Variants in NRG3 observed in about 807,000 individuals in gnomAD.
NRG3 encodes the protein pro-neuregulin-3, membrane-bound isoform.
A neutral mutation model predicts 66.9 loss-of-function variants in NRG3; 31 were observed. The ratio of observed to expected loss-of-function variants is 0.46; its 90% confidence interval spans 0.35 to 0.63. The LOEUF is 0.63. NRG3 is among the 20% of genes least tolerant of loss of function. The pLI is 0.00. For synonymous variants in NRG3, 393 were observed against 359.4 expected (o/e 1.09, Z -1.06); for missense variants, 910 against 878.9 (o/e 1.04, Z -0.45).
chr10:82,850,394 A>T (rs978474659), intron 3 of NRG3, among the ~76,000 whole-genome samples: 1 of 152,186 alleles, frequency 6.6e-6, no homozygotes. Context: ...GAGCAAATGA[A>T]TTTCGTTTCC....
intron 1 of NRG3, among the ~76,000 whole-genome samples, chr10:81,967,812 G>A (rs2059788359): frequency 6.6e-6 from 1 of 152,034 alleles, no homozygotes; most frequent in Admixed American, 6.6e-5. Context: ...CAATTTCTGA[G>A]CCATTTTATA....
At chr10:82,058,587 AG>A (rs1342111104) in intron 1 of NRG3, among the ~76,000 whole-genome samples, 1 of 151,204 alleles carries the variant, frequency 6.6e-6, no homozygotes, top group African/African-American at 2.4e-5. Flanking sequence ...TACTTTTTCT[AG>A]AAAAAATTAG....
chr10:82,615,842 A>T (rs2048611555), intron 2 of NRG3, among the ~76,000 whole-genome samples: 1 of 152,220 alleles, frequency 6.6e-6, no homozygotes, highest in Admixed American at 6.5e-5. Flanking sequence ...AAGACGTACC[A>T]TTAAAACAGA....
chr10:82,897,259 C>T (rs953259103), intron 4 of NRG3, among the ~76,000 whole-genome samples: 47 of 152,172 alleles, frequency 3.1e-4, no homozygotes, highest in African/African-American at 9.9e-4. Flanking sequence ...AAAAAATAGA[C>T]GTTCCTAAAC....
chr10:82,480,887 A>G (rs188078307), intron 2 of NRG3, among the ~76,000 whole-genome samples: 162 of 152,370 alleles, frequency 1.1e-3, no homozygotes, highest in Non-Finnish European at 1.8e-3. Flanking sequence ...ATATTTCTGA[A>G]CAATAATACA....
intron 1 of NRG3, among the ~76,000 whole-genome samples, chr10:82,141,808 T>TA (rs1254183041): frequency 2.6e-5 from 4 of 152,210 alleles, no homozygotes; most frequent in Admixed American, 6.5e-5. Context: ...TAAGATGTGC[T>TA]ACTGTTCAGT....
intron 3 of NRG3, among the ~76,000 whole-genome samples, chr10:82,846,704 T>G (rs1187006383): frequency 6.6e-6 from 1 of 152,142 alleles, no homozygotes; most frequent in Admixed American, 6.5e-5. Flanking sequence ...GCATTGCATA[T>G]AATGGGGTAT....
At chr10:82,814,840 C>T (rs2061639006) in intron 3 of NRG3, among the ~76,000 whole-genome samples, 1 of 152,198 alleles carries the variant, frequency 6.6e-6, no homozygotes, top group African/African-American at 2.4e-5. Context: ...TGGTAGTCTG[C>T]TAAGCACTTT....
intron 2 of NRG3, among the ~76,000 whole-genome samples, chr10:82,387,270 C>T (rs1466541316): frequency 8.5e-6 from 1 of 118,234 alleles, no homozygotes; most frequent in Non-Finnish European, 1.6e-5. Context: ...TATCATAAAA[C>T]ACTCAAAATA....
intron 1 of NRG3, among the ~76,000 whole-genome samples, chr10:81,921,693 C>A (rs976754089): frequency 6.6e-6 from 1 of 151,986 alleles, no homozygotes; most frequent in Admixed American, 6.6e-5. Context: ...GTTGTTCTGG[C>A]CATTCCTTTT....
intron 3 of NRG3, among the ~76,000 whole-genome samples, chr10:82,743,260 T>G (rs1169305544): frequency 6.6e-6 from 1 of 152,078 alleles, no homozygotes; most frequent in African/African-American, 2.4e-5. Context: ...GAGCATCACT[T>G]CCATCATGTA....
chr10:82,898,583 T>A (rs928347848), intron 4 of NRG3, among the ~76,000 whole-genome samples: 2 of 152,312 alleles, frequency 1.3e-5, no homozygotes, highest in African/African-American at 2.4e-5. Flanking sequence ...ATTTGCATGA[T>A]GCTCTTGTCA....
At chr10:82,098,161 A>T (rs1252259712) in intron 1 of NRG3, among the ~76,000 whole-genome samples, 1 of 151,030 alleles carries the variant, frequency 6.6e-6, no homozygotes, top group East Asian at 1.9e-4. Flanking sequence ...TCATGTATGT[A>T]TATGTCATAT....
At chr10:82,058,635 T>C (rs1180111941) in intron 1 of NRG3, among the ~76,000 whole-genome samples, 1 of 151,982 alleles carries the variant, frequency 6.6e-6, no homozygotes, top group African/African-American at 2.4e-5. Context: ...CCATCACAAG[T>C]TTTTTTATTT....
At chr10:82,715,856 G>T (rs2134442858) in intron 2 of NRG3, among the ~76,000 whole-genome samples, 1 of 152,162 alleles carries the variant, frequency 6.6e-6, no homozygotes, top group South Asian at 2.1e-4. Flanking sequence ...TACCTGTTGA[G>T]GGGCCTCCTC....
Position 82,360,858 on chromosome 10 carries a change from TCC to T in NRG3, c.953+1992_953+1993del, listed in dbSNP as rs1203111492. ...TTCAGAGTTGATTCCTTTTGAGGCC[TCC>T]CTCCTTGACTTATAGATGGTCAAGG... On this transcript the variant is annotated intron_variant, in intron 2 of 8. Coordinates refer to ENST00000372141, the MANE Select transcript of NRG3 (RefSeq NM_001010848.4). Among the ~76,000 whole-genome samples the T allele has an allele frequency of 1.4e-3, 211 of 152,242 alleles. 3 individuals are homozygous for T. Among genetic ancestry groups the T allele is most frequent in the African/African-American group, 4.8e-3 (200 of 41,548 alleles).
intron 2 of NRG3, among the ~76,000 whole-genome samples, chr10:82,404,380 G>C (rs1338783953): frequency 6.6e-6 from 1 of 152,200 alleles, no homozygotes; most frequent in East Asian, 1.9e-4. Flanking sequence ...GGACTATGAG[G>C]TTCTAATTTA....
intron 2 of NRG3, among the ~76,000 whole-genome samples, chr10:82,697,068 T>C (rs527559887): frequency 2.6e-5 from 4 of 152,328 alleles, no homozygotes; most frequent in African/African-American, 4.8e-5. Flanking sequence ...CAGATGCTGA[T>C]ATATAATGCT....
rs188414992 is a variant in NRG3 at position 82,463,010 on chromosome 10, C to T, written c.953+104142C>T. Among the ~76,000 whole-genome samples the T allele has an allele frequency of 7.2e-5, 11 of 152,276 alleles. No individual in the cohort carries two copies. In the East Asian group the frequency reaches 2.1e-3, roughly 29 times the overall value. ...CTTTAATCTCTTCATTATCTGTCCA[C>T]CTACTAGAAAGTCATATTGGAAGTG... On this transcript the variant is annotated intron_variant, in intron 2 of 8. Transcript: ENST00000372141.
Sources: gnomAD v4.1 joint callset for allele counts (sites outside exome capture counted in the v4.1 genomes callset) on GRCh38, gnomAD v4.1.1 for gene constraint, MANE v1.5 for transcripts, NCBI Gene and HGNC (gene_info 2026-07-23, HGNC 2026-07-21) for gene names.